Variants in KIAA1217 observed in about 807,000 individuals in gnomAD.
The protein encoded by KIAA1217 is sickle tail protein homolog.
A neutral mutation model predicts 163.9 loss-of-function variants in KIAA1217; 88 were observed. The ratio of observed to expected loss-of-function variants is 0.54; its 90% confidence interval spans 0.45 to 0.64. The LOEUF is 0.64. Among genes scored for constraint, KIAA1217 ranks in the 30% least tolerant of loss-of-function variants. The pLI is 0.00. For missense variants in KIAA1217, 2,372 were observed against 2,475.0 expected, an observed-to-expected ratio of 0.96 and a Z score of 0.88; for synonymous variants, 903 against 923.1, an observed-to-expected ratio of 0.98 and a Z score of 0.39.
At chr10:24,296,100 T>C (rs954729197) in intron 2 of KIAA1217, among the ~76,000 whole-genome samples, 2 of 151,862 alleles carry the variant, frequency 1.3e-5, no homozygotes, top group Non-Finnish European at 2.9e-5. Context: ...AGAATTCACA[T>C]TTTTTTTCTT....
At chr10:24,340,974 G>C (rs369507219) in intron 2 of KIAA1217, among the ~76,000 whole-genome samples, 1 of 152,204 alleles carries the variant, frequency 6.6e-6, no homozygotes, top group Non-Finnish European at 1.5e-5. Flanking sequence ...GTTATGCGCC[G>C]ATAGTTCTCC....
intron 2 of KIAA1217, among the ~76,000 whole-genome samples, chr10:24,345,753 T>C (rs1436149717): frequency 1.3e-5 from 2 of 152,142 alleles, no homozygotes; most frequent in Non-Finnish European, 2.9e-5. Context: ...GTCGCTTTTT[T>C]CCCCCTTTCT....
At chr10:24,422,901 C>CTTTTT (rs58161228) in intron 3 of KIAA1217, among the ~76,000 whole-genome samples, 2,423 of 120,494 alleles carry the variant, frequency 0.02, 130 homozygotes, top group Middle Eastern at 0.046. Flanking sequence ...ATAGATTTAA[C>CTTTTT]TTTTTTTTTT....
At chr10:23,770,277 C>T (rs905987956) in intron 1 of KIAA1217, among the ~76,000 whole-genome samples, 9 of 152,210 alleles carry the variant, frequency 5.9e-5, no homozygotes, top group African/African-American at 9.7e-5. Context: ...ACACCAGACA[C>T]TGTCCTAAAA....
intron 15 of KIAA1217, among the ~76,000 whole-genome samples, chr10:24,532,647 A>C (rs138042551): frequency 6.6e-6 from 1 of 151,802 alleles, no homozygotes; most frequent in South Asian, 2.1e-4. Context: ...GTGCAGGGGA[A>C]CTCCCATTTA....
intron 1 of KIAA1217, among the ~76,000 whole-genome samples, chr10:23,743,568 G>A (rs1177352970): frequency 6.6e-6 from 1 of 152,174 alleles, no homozygotes; most frequent in African/African-American, 2.4e-5. Context: ...TAGAGGAAAT[G>A]AGGGTAGTTA....
At chr10:23,863,454 A>G (rs1265823239) in intron 1 of KIAA1217, among the ~76,000 whole-genome samples, 1 of 152,132 alleles carries the variant, frequency 6.6e-6, no homozygotes, top group Admixed American at 6.5e-5. Context: ...AAGAGGCTTC[A>G]CAACATTTAG....
intron 1 of KIAA1217, among the ~76,000 whole-genome samples, chr10:23,950,465 G>C (rs1278774118): frequency 6.8e-6 from 1 of 147,522 alleles, no homozygotes; most frequent in East Asian, 2.0e-4. Context: ...ACACATAAAC[G>C]ACTCAATCAC....
chr10:24,331,725 G>A (rs182592536), intron 2 of KIAA1217, among the ~76,000 whole-genome samples: 70 of 152,316 alleles, frequency 4.6e-4, no homozygotes, highest in Admixed American at 1.8e-3. Flanking sequence ...ACACCTCAAG[G>A]GAAACATTCT....
At chr10:23,713,507 T>C (rs1038835967) in intron 1 of KIAA1217, among the ~76,000 whole-genome samples, 13 of 152,166 alleles carry the variant, frequency 8.5e-5, no homozygotes, top group Non-Finnish European at 1.2e-4. Context: ...TAACAGCTTC[T>C]TTGGAATAAT....
At chr10:23,935,925 C>G (rs1316717319) in intron 1 of KIAA1217, among the ~76,000 whole-genome samples, 1 of 152,132 alleles carries the variant, frequency 6.6e-6, no homozygotes, top group Admixed American at 6.6e-5. Context: ...TTATGATAAT[C>G]TAGATGGTTT....
chr10:24,506,513 G>A (rs1398634525), intron 9 of KIAA1217, among the ~76,000 whole-genome samples: 1 of 152,168 alleles, frequency 6.6e-6, no homozygotes, highest in Non-Finnish European at 1.5e-5. Context: ...TATTTTACAA[G>A]AGTGCTTATA....
chr10:24,298,000 T>C (rs220371), intron 2 of KIAA1217, among the ~76,000 whole-genome samples: 144,010 of 151,916 alleles, frequency 0.95, 68,509 homozygotes, highest in African/African-American at 0.98. Context: ...TTAGAACATC[T>C]GGCCTGACAT....
At chr10:24,466,739 C>T (rs534152629) in intron 5 of KIAA1217, 2 of 985,376 alleles carry the variant, frequency 2.0e-6, no homozygotes, top group Non-Finnish European at 1.2e-6. Context: ...AGGACCTGAG[C>T]GAATGTGCTT....
At chr10:24,183,454 A>T (rs2131956779) in intron 2 of KIAA1217, among the ~76,000 whole-genome samples, 2 of 152,336 alleles carry the variant, frequency 1.3e-5, no homozygotes, top group Middle Eastern at 6.8e-3. Context: ...TTCAGAAAAG[A>T]GAATAATGAA....
chr10:24,462,526 G>A (rs1017228096), intron 5 of KIAA1217, among the ~76,000 whole-genome samples: 2 of 152,188 alleles, frequency 1.3e-5, no homozygotes, highest in Non-Finnish European at 2.9e-5. Context: ...GGAAGCTGGG[G>A]TTCTTGCTGC....
intron 2 of KIAA1217, among the ~76,000 whole-genome samples, chr10:24,261,767 G>T (rs1403806440): frequency 6.6e-6 from 1 of 152,168 alleles, no homozygotes; most frequent in Non-Finnish European, 1.5e-5. Context: ...GGTCACTGAT[G>T]ACTGGGAAGA....
At position 24,402,516 on chromosome 10, in the gene KIAA1217, C is replaced by CAAAAAAAA. The variant is rs372012492; in HGVS notation, c.553+21455_553+21456insAAAAAAAA. 2.0e-3 allele frequency among the ~76,000 whole-genome samples: 184 copies of CAAAAAAAA among 92,874 alleles called. 8 individuals are homozygous for CAAAAAAAA. The highest frequency in any genetic ancestry group is 0.013 in the South Asian group (34 of 2,630). The allele number at this position is 92,874 out of a possible 152,430, so 60.9% of individuals were successfully genotyped here. On this transcript the variant is annotated intron_variant, in intron 3 of 20. Coordinates refer to ENST00000376454, the MANE Select transcript of KIAA1217 (RefSeq NM_019590.5). ...AAGGCAAGACTCCCTCTCAAAAAAA[C>CAAAAAAAA]AAAAAACAAAACAAAAAAAAAAAAA...
chr10:24,524,616 C>T lies in KIAA1217; in HGVS notation c.2750C>T (p.Pro917Leu), dbSNP rs2071805725. 2 of 1,614,108 alleles carry T rather than the reference C, an allele frequency of 1.2e-6. No individual in the cohort carries two copies. The highest frequency in any genetic ancestry group is 4.5e-5 in the East Asian group (2 of 44,884). ...AQNLPHVASS[P>L]AVPQEATSTL... ...AACTTGCCTCACGTGGCCAGCTCCC[C>T]AGCCGTCCCCCAGGAAGCAACCTCC... The change falls in exon 13 of 21, where the codon CCA becomes CTA. Residue 917 changes from proline to leucine, a missense_variant. Transcript: ENST00000376454.
Sources: gnomAD v4.1 joint callset for allele counts (sites outside exome capture counted in the v4.1 genomes callset) on GRCh38, gnomAD v4.1.1 for gene constraint, MANE v1.5 for transcripts, NCBI Gene and HGNC (gene_info 2026-07-23, HGNC 2026-07-21) for gene names.